ALG3: variants seen among roughly 807,000 people sequenced by gnomAD.
The protein encoded by ALG3 is ALG3 alpha-1,3- mannosyltransferase.
A neutral mutation model predicts 50.5 loss-of-function variants in ALG3; 39 were observed. The observed-to-expected ratio is 0.77, with a 90% CI of 0.60 to 1.01. ALG3 has a LOEUF of 1.01. Ranked by LOEUF, ALG3 falls within the 50% of genes least tolerant of loss-of-function variation. The probability of loss-of-function intolerance (pLI) is 0.00; values close to 1 mark genes in which losing one functional copy is unlikely to be tolerated. For synonymous variants in ALG3, 252 were observed against 237.2 expected (o/e 1.06, Z -0.58); for missense variants, 520 against 554.8 (o/e 0.94, Z 0.63).
At position 184,242,813 on chromosome 3, in the gene ALG3, C is replaced by T. The variant is rs376927697; in HGVS notation, c.1154G>A (p.Arg385Lys). The change falls in exon 8 of 9, where the codon AGG (arginine) becomes AAG (lysine). Residue 385 changes from arginine (R) to lysine (K), a missense_variant and splice_region_variant. Arg to Lys is a conservative substitution (Grantham distance 26, BLOSUM62 2). This residue lies in a region of ALG3 where 224 missense variants were observed against 272.8 expected (regional missense o/e 0.82). Coordinates refer to ENST00000397676, the MANE Select transcript of ALG3 (RefSeq NM_005787.6). Reference protein sequence around the residue: ...MPARWLTHLLRLLVLGLIELS... With the variant: ...MPARWLTHLLKLLVLGLIELS... The stretch of plus-strand genomic sequence containing the variant: ...TCCCCCAGGTTGTCCCAGCTGGTAC[C>T]TGAGCAGGTGTGTGAGCCAGCGTGC... 2 of 1,613,712 alleles carry T rather than the reference C, an allele frequency of 1.2e-6. No homozygotes were observed. Among genetic ancestry groups the T allele is most frequent in the Admixed American group, 1.7e-5 (1 of 60,028 alleles).
At position 184,245,599 on chromosome 3, in the gene ALG3, C is replaced by G. The variant is rs1382984398; in HGVS notation, c.313G>C (p.Val105Leu). Residue 105 changes from valine to leucine, a missense_variant, in exon 3 of 9, where the codon GTG becomes CTG. By Grantham distance (32) the Val-to-Leu change is conservative (BLOSUM62 1). This residue lies in a region of ALG3 where 290 missense variants were observed against 265.9 expected (regional missense o/e 1.09). Coordinates refer to ENST00000397676, the MANE Select transcript of ALG3 (RefSeq NM_005787.6). The stretch of plus-strand genomic sequence containing the variant: ...TAGTACAACCCCATAAAGATGTACA[C>G]GAAACCAGCTGGGTACCTGGAAGAT... ...TGPLVYPAGF[V>L]YIFMGLYYAT... 5 of 1,613,064 alleles carry G rather than the reference C, an allele frequency of 3.1e-6. No homozygotes were observed. Among genetic ancestry groups the G allele is most frequent in the Non-Finnish European group, 4.2e-6 (5 of 1,179,522 alleles).
rs1170847664 is a variant in ALG3 at position 184,245,824 on chromosome 3, C to G, written c.197-12G>C. 6.2e-7 allele frequency: 1 copy of G among 1,605,824 alleles called. No individual in the cohort carries two copies. ...GTCAATCTCTGTGTCTGGAAGAAGA[C>G]AAGATGATCTGGTTACTTCTGAGTC... On this transcript the variant is annotated splice_polypyrimidine_tract_variant and intron_variant, in intron 1 of 8. Coordinates refer to ENST00000397676, the MANE Select transcript of ALG3 (RefSeq NM_005787.6).
chr3:184,245,325 C>T lies in ALG3; in HGVS notation c.478G>A (p.Ala160Thr), dbSNP rs778696645. 9 of 1,612,830 alleles carry T rather than the reference C, an allele frequency of 5.6e-6. No homozygotes were observed. Among genetic ancestry groups the T allele is most frequent in the African/African-American group, 2.7e-5 (2 of 74,858 alleles). ...AAGATGGAGTGGACACGGTAAGAGG[C>T]GCAGCACATGAAGAAAAAGACGAAG... The part of the protein sequence containing the change: ...PPFVFFFMCC[A>T]SYRVHSIFVL... Residue 160 changes from alanine to threonine, a missense_variant, in exon 4 of 9, where the codon GCC becomes ACC. Coordinates refer to ENST00000397676, the MANE Select transcript of ALG3 (RefSeq NM_005787.6).
At chr3:184,249,445 C>G, upstream of ALG3, 2 of 817,598 alleles carry the variant, frequency 2.4e-6, no homozygotes, top group Non-Finnish European at 3.8e-6. Flanking sequence ...GATGAGCCCA[C>G]GTGAGTCTGA....
intron 5 of ALG3, 30 bp downstream of exon 5, chr3:184,244,571 T>C (rs768958531): frequency 1.7e-5 from 27 of 1,598,212 alleles, no homozygotes; most frequent in Non-Finnish European, 2.3e-5. Flanking sequence ...TTCTCCTTGA[T>C]TAGAAAGAGG....
At chr3:184,243,072 T>C in intron 7 of ALG3, 115 bp from the exon 8 acceptor site, 1 of 1,423,350 alleles carries the variant, frequency 7.0e-7, no homozygotes, top group Non-Finnish European at 9.6e-7. Context: ...CCTTGATGCA[T>C]GCCTTTGGGC....
chr3:184,245,882 A>T (rs933950162), intron 1 of ALG3, 70 bp from the exon 2 acceptor site: 2 of 1,229,354 alleles, frequency 1.6e-6, no homozygotes, highest in Admixed American at 3.9e-5. Flanking sequence ...CCATGCCTCC[A>T]GACCATCAAA....
upstream of ALG3, chr3:184,249,282 GT>G: frequency 6.2e-7 from 1 of 1,610,114 alleles, no homozygotes; most frequent in Non-Finnish European, 8.5e-7. Flanking sequence ...GAACATCTGT[GT>G]TCATGCTGTC....
At chr3:184,248,123 G>A (rs1000528091) in intron 1 of ALG3, among the ~76,000 whole-genome samples, 1 of 151,922 alleles carries the variant, frequency 6.6e-6, no homozygotes, top group Admixed American at 6.6e-5. Context: ...CAAAGTGCTG[G>A]GATTACAGGC....
chr3:184,247,944 CACG>C (rs1412838478), intron 1 of ALG3, among the ~76,000 whole-genome samples: 1 of 151,270 alleles, frequency 6.6e-6, no homozygotes, highest in Non-Finnish European at 1.5e-5. Context: ...CTCCCGGGTT[CACG>C]CCATTCTCCT....
chr3:184,242,851 C>A lies in ALG3; in HGVS notation c.1116G>T (p.Leu372=). 1.2e-6 allele frequency: 2 copies of A among 1,613,902 alleles called. No homozygotes were observed. Among genetic ancestry groups the A allele is most frequent in the Non-Finnish European group, 1.7e-6 (2 of 1,179,892 alleles). The change falls in exon 8 of 9, where the codon CTG becomes CTT. Residue 372 remains leucine, a synonymous_variant. Coordinates refer to ENST00000397676, the MANE Select transcript of ALG3 (RefSeq NM_005787.6). ...VWYFHTLPYL[L]WAMPARWLTH... Reference sequence around the variant, plus strand: ...TGAGCCAGCGTGCAGGCATGGCCCACAGGAGGTAGGGCAGTGTGTGGAAAT... The same window carrying A: ...TGAGCCAGCGTGCAGGCATGGCCCAAAGGAGGTAGGGCAGTGTGTGGAAAT...
rs761901090 is a variant in ALG3 at position 184,248,527 on chromosome 3, A to G, written c.196+218T>C. On this transcript the variant is annotated intron_variant, in intron 1 of 8. Transcript: ENST00000397676. Reference sequence around the variant, plus strand: ...TTTGCAGGCTGTAAGTTCAGTGCAGAAGGCCAATCTCTAGGGTATCCACCT... The same window carrying G: ...TTTGCAGGCTGTAAGTTCAGTGCAGGAGGCCAATCTCTAGGGTATCCACCT... 1.3e-4 allele frequency among the ~76,000 whole-genome samples: 20 copies of G among 152,196 alleles called. 1 individual carries two copies. Among genetic ancestry groups the G allele is most frequent in the Non-Finnish European group, 2.2e-4 (15 of 68,038 alleles).
chr3:184,246,204 C>T (rs1036051378), intron 1 of ALG3, among the ~76,000 whole-genome samples: 5 of 152,208 alleles, frequency 3.3e-5, no homozygotes, highest in African/African-American at 1.2e-4. Context: ...CTACTACATA[C>T]TCAAATTTGA....
At chr3:184,244,036 A>G (rs1206529991) in intron 5 of ALG3, 40 bp from the exon 6 acceptor site, 1 of 1,585,890 alleles carries the variant, frequency 6.3e-7, no homozygotes, top group Non-Finnish European at 8.6e-7. Flanking sequence ...GCCAAGGCTC[A>G]TTCCCAATGA....
Position 184,242,805 on chromosome 3 carries a change from G to C in ALG3, c.1154+8C>G, listed in dbSNP as rs1252087823. On this transcript the variant is annotated splice_region_variant and intron_variant, in intron 8 of 8. Transcript: ENST00000397676. ...CTTCCCACTCCCCCAGGTTGTCCCAGCTGGTACCTGAGCAGGTGTGTGAGC... is the reference window on the plus strand; with the variant it reads ...CTTCCCACTCCCCCAGGTTGTCCCACCTGGTACCTGAGCAGGTGTGTGAGC... 1 of 1,613,614 alleles carries C rather than the reference G, an allele frequency of 6.2e-7. No individual in the cohort carries two copies. Among genetic ancestry groups the C allele is most frequent in the East Asian group, 2.2e-5 (1 of 44,880 alleles).
intron 1 of ALG3, among the ~76,000 whole-genome samples, chr3:184,247,362 A>G (rs915725385): frequency 1.3e-5 from 2 of 151,042 alleles, no homozygotes; most frequent in African/African-American, 4.9e-5. Flanking sequence ...CAGTGGCGCA[A>G]TCTCGGCTCA....
At chr3:184,245,646 T>C (rs1201020930) in intron 2 of ALG3, 31 bp from the exon 3 acceptor site, 1 of 1,611,564 alleles carries the variant, frequency 6.2e-7, no homozygotes, top group Admixed American at 1.7e-5. Flanking sequence ...TGAGCCTGGG[T>C]CAGGTCACAC....
Position 184,242,361 on chromosome 3 carries a change from C to A in ALG3, c.*153G>T. The A allele has an allele frequency of 3.1e-6, 3 of 954,356 alleles. No individual in the cohort carries two copies. The highest frequency in any genetic ancestry group is 4.9e-6 in the Non-Finnish European group (3 of 608,430). The allele number at this position is 954,356 out of a possible 1,614,324, so 59.1% of individuals were successfully genotyped here. On this transcript the variant is annotated 3_prime_UTR_variant, in exon 9 of 9. Coordinates refer to ENST00000397676, the MANE Select transcript of ALG3 (RefSeq NM_005787.6). Reference sequence around the variant, plus strand: ...GAGTGAATTCTTTATCTGCTCCATACGTGTCCCTCACAGCCTGGACCAGGC... The same window carrying A: ...GAGTGAATTCTTTATCTGCTCCATAAGTGTCCCTCACAGCCTGGACCAGGC...
upstream of ALG3, chr3:184,249,003 G>T: frequency 6.5e-7 from 1 of 1,542,218 alleles, no homozygotes; most frequent in Non-Finnish European, 8.7e-7. Context: ...CGACACTTAG[G>T]TTCCGCTTCC....
Sources: allele counts gnomAD v4.1 joint callset (sites outside exome capture counted in the v4.1 genomes callset), GRCh38; gene constraint gnomAD v4.1.1; regional missense constraint gnomAD v4.1.1; transcripts MANE v1.5; gene names NCBI Gene and HGNC (gene_info 2026-07-23, HGNC 2026-07-21).